Variants in MGA observed in about 807,000 individuals in gnomAD.
MGA encodes MAX gene-associated protein.
Under a neutral mutation model 261.1 loss-of-function variants are expected in MGA, and 40 were observed. That is an observed-to-expected ratio of 0.15 (90% CI 0.12 to 0.20). The LOEUF is 0.20. MGA is among the 10% of genes least tolerant of loss of function. The probability of loss-of-function intolerance (pLI) is 1.00; values close to 1 mark genes in which losing one functional copy is unlikely to be tolerated. For synonymous variants in MGA, 1,302 were observed against 1,290.6 expected (o/e 1.01, Z -0.19); for missense variants, 3,397 against 3,630.5 (o/e 0.94, Z 1.65).
At position 41,742,788 on chromosome 15, in the gene MGA, A is replaced by G. The variant is rs1469072500; in HGVS notation, c.4828A>G (p.Thr1610Ala). Residue 1610 changes from threonine (T) to alanine (A), a missense_variant, in exon 15 of 24, where the codon ACT becomes GCT. Transcript: ENST00000219905. ...CCCTCAAGTGTTTTTAGAAAATACT[A>G]CTGCTGTGACACCTATGACTGCTAT... The G allele has an allele frequency of 1.2e-6, 2 of 1,613,978 alleles. No individual in the cohort carries two copies. The highest frequency in any genetic ancestry group is 1.7e-6 in the Non-Finnish European group (2 of 1,179,884).
chr15:41,711,988 C>G (rs1178006910), intron 8 of MGA, among the ~76,000 whole-genome samples: 1 of 152,116 alleles, frequency 6.6e-6, no homozygotes, highest in Non-Finnish European at 1.5e-5. Flanking sequence ...AGTCACCACG[C>G]CCGGCCTGAA....
intron 5 of MGA, among the ~76,000 whole-genome samples, chr15:41,706,956 CTT>C (rs908202185): frequency 7.2e-5 from 11 of 152,168 alleles, no homozygotes; most frequent in African/African-American, 2.7e-4. Flanking sequence ...AATATTGCCT[CTT>C]AACCTATAAA....
At chr15:41,740,314 CTTATTCTTGT>C in intron 14 of MGA, 111 bp downstream of exon 14, 1 of 1,201,864 alleles carries the variant, frequency 8.3e-7, no homozygotes, top group Non-Finnish European at 1.2e-6. Flanking sequence ...TGGCATTATT[CTTATTCTTGT>C]TGTCTGTCTT....
intron 2 of MGA, chr15:41,684,661 A>G (rs530592383): frequency 1.6e-5 from 3 of 184,670 alleles, no homozygotes; most frequent in South Asian, 1.1e-4. Context: ...TGTGTGCTAA[A>G]TGAAAAGAAG....
chr15:41,695,793 T>C (rs1481802670), intron 2 of MGA, among the ~76,000 whole-genome samples: 1 of 152,208 alleles, frequency 6.6e-6, no homozygotes, highest in East Asian at 1.9e-4. Context: ...ATGTTTTATG[T>C]TATGTGAATT....
In MGA at chr15:41,750,569, A is replaced by G. The variant is rs1567085391; in HGVS notation, c.6962A>G (p.Asp2321Gly). The change falls in exon 17 of 24, where the codon GAT becomes GGT. Residue 2321 changes from aspartate to glycine, a missense_variant. Physicochemically the swap from Asp to Gly is moderately conservative, Grantham distance 94. Around this residue, in one of 9 missense-constraint regions of MGA, gnomAD observed 1,410 missense variants for 1,386.4 expected, o/e 1.02. Transcript: ENST00000219905. The stretch of plus-strand genomic sequence containing the variant: ...GATGATTCTATTGATGAAATTGTGG[A>G]TGTTGTTTCTGACTACCAGAGTGAG... The G allele has an allele frequency of 2.5e-6, 4 of 1,611,484 alleles. No individual in the cohort carries two copies. The highest frequency in any genetic ancestry group is 1.3e-5 in the African/African-American group (1 of 75,042).
At chr15:41,665,124 G>C (rs1203111110) in intron 1 of MGA, among the ~76,000 whole-genome samples, 1 of 152,184 alleles carries the variant, frequency 6.6e-6, no homozygotes, top group Non-Finnish European at 1.5e-5. Flanking sequence ...GATATTTTAA[G>C]CTTTGGAGCT....
rs368449952 is a variant in MGA, at chr15:41,662,263, C to G, written c.-68+1738C>G. On this transcript the variant is annotated intron_variant, in intron 1 of 23. Transcript: ENST00000219905. ...AAGTTTGACTACTGCCAGTTTCTGC[C>G]TTAAAAGTTCTTCAAATTCTGCTTA... is the stretch of plus-strand genomic sequence containing the variant. Among the ~76,000 whole-genome samples, 7 of 152,130 alleles carry G rather than the reference C, an allele frequency of 4.6e-5. No individual in the cohort carries two copies. The East Asian group carries it at 5.8e-4, about 13-fold the overall frequency.
chr15:41,748,157 T>C (rs1461410112), intron 15 of MGA, among the ~76,000 whole-genome samples: 9 of 152,170 alleles, frequency 5.9e-5, no homozygotes, highest in Non-Finnish European at 1.3e-4. Flanking sequence ...CTTGGAAGGC[T>C]GAGGCAGGAG....
chr15:41,657,339 CTTTTTTTTTTTTTTTTTTTTT>C (rs373920516), upstream of MGA, among the ~76,000 whole-genome samples: 2 of 106,908 alleles, frequency 1.9e-5, no homozygotes, highest in East Asian at 3.9e-4. Flanking sequence ...AGTGAAGGCC[CTTTTTTTTTTTTTTTTTTTTT>C]TTTTTTTTTT....
chr15:41,753,830 G>T (rs1423612348), intron 17 of MGA, among the ~76,000 whole-genome samples: 1 of 152,110 alleles, frequency 6.6e-6, no homozygotes, highest in Non-Finnish European at 1.5e-5. Flanking sequence ...ATATATCTGT[G>T]CCTGAATTTT....
chr15:41,637,033 T>G (rs1595551315), intron 1 of MGA, among the ~76,000 whole-genome samples: 2 of 151,452 alleles, frequency 1.3e-5, no homozygotes, highest in Non-Finnish European at 1.5e-5. Flanking sequence ...TATCTTGCTC[T>G]GGGGGCGGGG....
chr15:41,723,063 G>A (rs2061035841), intron 9 of MGA, among the ~76,000 whole-genome samples: 1 of 152,170 alleles, frequency 6.6e-6, no homozygotes, highest in South Asian at 2.1e-4. Flanking sequence ...CAGTAGAAAT[G>A]AGGAGACCAT....
upstream of MGA, among the ~76,000 whole-genome samples, chr15:41,656,979 T>C (rs2057216605): frequency 6.6e-6 from 1 of 151,960 alleles, no homozygotes; most frequent in Non-Finnish European, 1.5e-5. Context: ...CACTATGTTG[T>C]CCAGGCTGGT....
intron 1 of MGA, among the ~76,000 whole-genome samples, chr15:41,662,890 G>A (rs557285836): frequency 3.9e-5 from 6 of 152,268 alleles, no homozygotes; most frequent in African/African-American, 1.2e-4. Flanking sequence ...GAAGTTTGTA[G>A]CAATTTGGAA....
chr15:41,696,011 T>C (rs1443208887), intron 2 of MGA, 64 bp from the exon 3 acceptor site: 7 of 1,142,258 alleles, frequency 6.1e-6, no homozygotes, highest in Non-Finnish European at 6.2e-6. Context: ...TTTTTTTTTC[T>C]CTTCAAGTCT....
chr15:41,660,007 T>C (rs2150797227), upstream of MGA, among the ~76,000 whole-genome samples: 1 of 152,160 alleles, frequency 6.6e-6, no homozygotes, highest in South Asian at 2.1e-4. Context: ...AGGTTGGGGG[T>C]CTGCGGAGCC....
intron 15 of MGA, among the ~76,000 whole-genome samples, chr15:41,747,873 G>T (rs901536650): frequency 2.2e-4 from 34 of 152,154 alleles, no homozygotes; most frequent in Admixed American, 1.4e-3. Context: ...ATGTCTGGCT[G>T]TTCTCAGCCA....
At chr15:41,651,579 T>C in intron 1 of MGA, among the ~76,000 whole-genome samples, 1 of 140,798 alleles carries the variant, frequency 7.1e-6, no homozygotes, top group Admixed American at 7.3e-5. Flanking sequence ...TTCCCTCTCC[T>C]TCTCTTCTCC....
Sources: gnomAD v4.1 joint callset for allele counts (sites outside exome capture counted in the v4.1 genomes callset) on GRCh38, gnomAD v4.1.1 for gene constraint, gnomAD v4.1.1 regional missense constraint, MANE v1.5 for transcripts, NCBI Gene and HGNC (gene_info 2026-07-23, HGNC 2026-07-21) for gene names.